TRANK1: variants seen among roughly 807,000 people sequenced by gnomAD.
The protein encoded by TRANK1 is tetratricopeptide repeat and ankyrin repeat containing 1, also known as TPR and ankyrin repeat-containing protein 1.
Under a neutral mutation model 266.0 loss-of-function variants are expected in TRANK1, and 198 were observed. The observed-to-expected ratio is 0.74, with a 90% CI of 0.66 to 0.84. The LOEUF is 0.84. Among genes scored for constraint, TRANK1 ranks in the 40% least tolerant of loss-of-function variants. The pLI is 0.00. For synonymous variants in TRANK1, 1,396 were observed against 1,384.1 expected, an observed-to-expected ratio of 1.01 and a Z score of -0.19; for missense variants, 3,326 against 3,634.6, an observed-to-expected ratio of 0.92 and a Z score of 2.18.
chr3:36,898,364 C>G (rs1314708606), intron 4 of TRANK1, among the ~76,000 whole-genome samples: 1 of 151,710 alleles, frequency 6.6e-6, no homozygotes, highest in Non-Finnish European at 1.5e-5. Context: ...GCAGGAGACC[C>G]TTTGAACCTG....
chr3:36,923,333 G>A (rs920166207), intron 1 of TRANK1, among the ~76,000 whole-genome samples: 1 of 148,196 alleles, frequency 6.7e-6, no homozygotes, highest in Non-Finnish European at 1.5e-5. Flanking sequence ...TCGGCTCACT[G>A]CAACCTCCAA....
At chr3:36,931,262 T>C (rs1223306472) in intron 1 of TRANK1, among the ~76,000 whole-genome samples, 1 of 143,310 alleles carries the variant, frequency 7.0e-6, no homozygotes. Flanking sequence ...AACAAAATAT[T>C]AAGTGTTAAA....
At position 36,831,050 on chromosome 3, in the gene TRANK1, C is replaced by A. The variant is rs199659321; in HGVS notation, c.8533G>T (p.Val2845Leu). The A allele has an allele frequency of 5.1e-5, 83 of 1,613,996 alleles. No homozygotes were observed. The highest frequency in any genetic ancestry group is 7.0e-5 in the Non-Finnish European group (83 of 1,179,886). Reference protein sequence around the residue: ...QKYSEFFHEKVDPAIDEGKLV... With the variant: ...QKYSEFFHEKLDPAIDEGKLV... ...TTGCCTTCATCAATGGCCGGGTCCA[C>A]CTTCTCGTGGAAAAATTCTGAGTAT... is the stretch of plus-strand genomic sequence containing the variant. Residue 2845 changes from valine (V) to leucine (L), a missense_variant, in exon 22 of 24, where the codon GTG becomes TTG. Val to Leu is a conservative substitution (Grantham distance 32, BLOSUM62 1). Coordinates refer to ENST00000645898, the MANE Select transcript of TRANK1 (RefSeq NM_001329998.2). The surrounding 1 kb of genome is among the most constrained non-coding windows in gnomAD (Gnocchi z 5.0).
chr3:36,842,423 T>C (rs1253266280), intron 18 of TRANK1, among the ~76,000 whole-genome samples, 199 bp downstream of exon 18: 2 of 152,198 alleles, frequency 1.3e-5, no homozygotes, highest in East Asian at 1.9e-4. Flanking sequence ...AAATGAAGAG[T>C]TGTCATGCCT....
chr3:36,889,090 C>T (rs2079649493), intron 8 of TRANK1, among the ~76,000 whole-genome samples: 1 of 152,188 alleles, frequency 6.6e-6, no homozygotes, highest in Non-Finnish European at 1.5e-5. Context: ...GAGAAGATGA[C>T]AGCCCAGCCT....
At chr3:36,918,580 A>AAGGT (rs2080167065) in intron 1 of TRANK1, among the ~76,000 whole-genome samples, 4 of 104,170 alleles carry the variant, frequency 3.8e-5, no homozygotes, top group Middle Eastern at 4.0e-3. Flanking sequence ...GGAAGGAAGG[A>AAGGT]AGGAAGGAAG....
At chr3:36,907,149 T>C (rs1323738158) in intron 2 of TRANK1, among the ~76,000 whole-genome samples, 1 of 152,114 alleles carries the variant, frequency 6.6e-6, no homozygotes, top group Non-Finnish European at 1.5e-5. Context: ...TTTACTGATA[T>C]ATTTATTTAT....
chr3:36,834,445 A>T (rs1402137741), intron 21 of TRANK1: 3 of 251,144 alleles, frequency 1.2e-5, no homozygotes, highest in Non-Finnish European at 2.2e-5. Context: ...TGTGAGATTA[A>T]TGAGGCTCTG....
intron 9 of TRANK1, among the ~76,000 whole-genome samples, chr3:36,867,805 G>A (rs778077648): frequency 1.6e-4 from 24 of 152,274 alleles, no homozygotes; most frequent in Non-Finnish European, 2.8e-4. Context: ...AATATAGCAG[G>A]TCCTCAAATA....
chr3:36,841,611 C>T (rs529955051), intron 18 of TRANK1, among the ~76,000 whole-genome samples: 63 of 152,082 alleles, frequency 4.1e-4, no homozygotes, highest in Non-Finnish European at 6.5e-4. Flanking sequence ...GTGTATGTGA[C>T]CTAGTACTGA....
At chr3:36,929,215 G>C (rs1458883566) in intron 1 of TRANK1, 1 of 151,036 alleles carries the variant, frequency 6.6e-6, no homozygotes, top group Non-Finnish European at 1.5e-5. Flanking sequence ...CAAGACCTTG[G>C]CTCACTGCAA....
chr3:36,940,615 A>T (rs1314738734), intron 1 of TRANK1, among the ~76,000 whole-genome samples: 2 of 151,556 alleles, frequency 1.3e-5, no homozygotes, highest in Non-Finnish European at 2.9e-5. Context: ...CTCAAAACTG[A>T]CCTCCCATAC....
chr3:36,850,341 T>G (rs924430489), intron 15 of TRANK1: 1 of 985,330 alleles, frequency 1.0e-6, no homozygotes, highest in Non-Finnish European at 1.2e-6. Context: ...TGGAAGGTTC[T>G]GGAATTCAAT....
intron 1 of TRANK1, 24 bp downstream of exon 1, chr3:36,944,763 A>G: frequency 6.7e-7 from 1 of 1,501,666 alleles, no homozygotes; most frequent in Non-Finnish European, 8.8e-7. Context: ...GAGATGCCCC[A>G]GTGCTTCCCG....
chr3:36,834,474 T>C, intron 21 of TRANK1: 1 of 298,504 alleles, frequency 3.4e-6, no homozygotes, highest in South Asian at 1.1e-4. Context: ...CCCTTTATTC[T>C]GCTGATGGAA....
Position 36,860,496 on chromosome 3 carries a change from C to T in TRANK1, c.1495+410G>A, listed in dbSNP as rs372678093. Among the ~76,000 whole-genome samples, 22 of 152,334 alleles carry T rather than the reference C, an allele frequency of 1.4e-4. 1 individual carries two copies. The East Asian group carries it at 2.9e-3, about 20-fold the overall frequency. ...AAAAACAAGCATCTTGAATCCCAAT[C>T]TGTTGATCAGAAAAGAATGTCACAG... is the stretch of plus-strand genomic sequence containing the variant. On this transcript the variant is annotated intron_variant, in intron 11 of 23. Transcript: ENST00000645898.
At chr3:36,871,588 A>G (rs2079310960) in intron 9 of TRANK1, among the ~76,000 whole-genome samples, 1 of 152,118 alleles carries the variant, frequency 6.6e-6, no homozygotes, top group Non-Finnish European at 1.5e-5. Flanking sequence ...TCATTATACA[A>G]CCTCACGAAG....
chr3:36,922,329 G>T (rs1467242074), intron 1 of TRANK1, among the ~76,000 whole-genome samples: 2 of 152,140 alleles, frequency 1.3e-5, no homozygotes, highest in African/African-American at 2.4e-5. Flanking sequence ...TTCAGGGCCG[G>T]GCGCAGTGGC....
intron 8 of TRANK1, among the ~76,000 whole-genome samples, chr3:36,877,815 A>AT (rs1044554348): frequency 8.5e-5 from 13 of 152,196 alleles, no homozygotes; most frequent in African/African-American, 3.1e-4. Context: ...AAGTGTCTGA[A>AT]TTTTTTAAAG....
Sources: allele counts gnomAD v4.1 joint callset (sites outside exome capture counted in the v4.1 genomes callset), GRCh38; gene constraint gnomAD v4.1.1; non-coding constraint Gnocchi (gnomAD v3.1); transcripts MANE v1.5; gene names NCBI Gene and HGNC (gene_info 2026-07-23, HGNC 2026-07-21).